PPFIA2: variants seen among roughly 807,000 people sequenced by gnomAD.
PPFIA2 encodes the protein PPFI scaffold protein A2.
PPFIA2 carries 46 observed loss-of-function variants against 175.5 expected under a neutral mutation model. The ratio of observed to expected loss-of-function variants is 0.26; its 90% CI spans 0.21 to 0.34. PPFIA2 has a LOEUF of 0.34. Among genes scored for constraint, PPFIA2 ranks in the 10% least tolerant of loss-of-function variants. PPFIA2 has a pLI of 1.00. For synonymous variants in PPFIA2, 568 were observed against 511.4 expected (o/e 1.11, Z -1.49); for missense variants, 1,179 against 1,506.1 (o/e 0.78, Z 3.60).
rs543776841 is a variant in PPFIA2 at position 81,432,526 on chromosome 12, C to T, written c.645+7446G>A. ...TGTCACCCAGGTTGGAGTGCAGTGGCGTGATCTTGGCCCAATGCAACCTCT... is the reference window on the plus strand; with the variant it reads ...TGTCACCCAGGTTGGAGTGCAGTGGTGTGATCTTGGCCCAATGCAACCTCT... On this transcript the variant is annotated intron_variant, in intron 7 of 32. Transcript: ENST00000549396. 7.5e-5 allele frequency among the ~76,000 whole-genome samples: 11 copies of T among 146,660 alleles called. No individual in the cohort carries two copies. The East Asian group carries it at 1.2e-3, about 16-fold the overall frequency.
At chr12:81,303,814 C>CTA (rs1436620999) in intron 22 of PPFIA2, among the ~76,000 whole-genome samples, 4 of 152,148 alleles carry the variant, frequency 2.6e-5, no homozygotes, top group Admixed American at 2.6e-4. Context: ...CCAATAGGTT[C>CTA]TAGAAAATGT....
chr12:81,674,160 C>T (rs2071984133), intron 4 of PPFIA2, among the ~76,000 whole-genome samples: 1 of 151,984 alleles, frequency 6.6e-6, no homozygotes, highest in Non-Finnish European at 1.5e-5. Context: ...TTTAAACATA[C>T]CATTAACATT....
chr12:81,737,176 A>T (rs1597053218), intron 3 of PPFIA2, among the ~76,000 whole-genome samples: 1 of 151,958 alleles, frequency 6.6e-6, no homozygotes, highest in Non-Finnish European at 1.5e-5. Flanking sequence ...CTAAGCCCTC[A>T]GGCATTTCGA....
chr12:81,711,350 A>G (rs2077886299), intron 3 of PPFIA2, among the ~76,000 whole-genome samples: 1 of 151,484 alleles, frequency 6.6e-6, no homozygotes, highest in African/African-American at 2.4e-5. Context: ...ACACACATAC[A>G]CATAGAAACA....
intron 4 of PPFIA2, among the ~76,000 whole-genome samples, chr12:81,481,746 T>C (rs2146705016): frequency 6.6e-6 from 1 of 152,254 alleles, no homozygotes; most frequent in African/African-American, 2.4e-5. Flanking sequence ...TAACTCAAGG[T>C]GGTTTAAAGA....
intron 7 of PPFIA2, among the ~76,000 whole-genome samples, chr12:81,436,354 C>T (rs1030115126): frequency 8.6e-6 from 1 of 116,160 alleles, no homozygotes; most frequent in African/African-American, 3.2e-5. Context: ...ATCAGATAAA[C>T]GTTTCTCCAG....
intron 3 of PPFIA2, among the ~76,000 whole-genome samples, chr12:81,750,174 A>G (rs544120580): frequency 2.1e-5 from 3 of 144,174 alleles, no homozygotes; most frequent in African/African-American, 7.3e-5. Context: ...GACATTGAGG[A>G]AAAACATTAT....
intron 4 of PPFIA2, among the ~76,000 whole-genome samples, chr12:81,536,727 C>T (rs955072220): frequency 3.3e-5 from 4 of 121,652 alleles, no homozygotes; most frequent in African/African-American, 1.3e-4. Flanking sequence ...CATATATACA[C>T]AAATATATAT....
chr12:81,609,710 T>C (rs2060695100), intron 4 of PPFIA2, among the ~76,000 whole-genome samples: 1 of 152,136 alleles, frequency 6.6e-6, no homozygotes, highest in Admixed American at 6.5e-5. Flanking sequence ...GAAGGTTGAA[T>C]CTTGTATTTT....
At chr12:81,467,629 A>T (rs2055925077) in intron 4 of PPFIA2, among the ~76,000 whole-genome samples, 2 of 152,184 alleles carry the variant, frequency 1.3e-5, no homozygotes, top group South Asian at 4.1e-4. Flanking sequence ...TGTGTCCTTT[A>T]TCTTCTATTA....
At chr12:81,691,558 A>T (rs552801399) in intron 3 of PPFIA2, among the ~76,000 whole-genome samples, 2 of 152,254 alleles carry the variant, frequency 1.3e-5, no homozygotes, top group East Asian at 3.9e-4. Context: ...TATTGGAATT[A>T]GTCACCAATA....
chr12:81,310,010 T>C (rs2050369049), intron 22 of PPFIA2, among the ~76,000 whole-genome samples: 1 of 152,096 alleles, frequency 6.6e-6, no homozygotes, highest in South Asian at 2.1e-4. Context: ...CACTTCCTAA[T>C]AGTAATTGGG....
Position 81,622,259 on chromosome 12 carries a change from T to C in PPFIA2, c.303+54532A>G, listed in dbSNP as rs201514617. On this transcript the variant is annotated intron_variant, in intron 4 of 32. Transcript: ENST00000549396. ...ACAAATTACCACATAATAATGTTCA[T>C]ATTCTGACTTTAAGCATAATAATAA... 2.0e-5 allele frequency among the ~76,000 whole-genome samples: 3 copies of C among 152,210 alleles called. No individual in the cohort carries two copies. The East Asian group carries it at 5.8e-4, about 29-fold the overall frequency.
Position 81,268,104 on chromosome 12 carries a change from A to G in PPFIA2, c.3311-17T>C. On this transcript the variant is annotated splice_polypyrimidine_tract_variant and intron_variant, in intron 28 of 32. Transcript: ENST00000549396. ...CCAACACGTCTAGGAAAAGAGATGC[A>G]TCATTTTAGGATGCATTATTTTTCT... The G allele has an allele frequency of 6.5e-7, 1 of 1,529,476 alleles. No homozygotes were observed. Among genetic ancestry groups the G allele is most frequent in the African/African-American group, 1.4e-5 (1 of 71,278 alleles). The allele number at this position is 1,529,476 out of a possible 1,614,324, so 94.7% of individuals were successfully genotyped here.
chr12:81,424,743 A>G (rs1357169972), intron 7 of PPFIA2: 1 of 152,166 alleles, frequency 6.6e-6, no homozygotes, highest in African/African-American at 2.4e-5. Flanking sequence ...CGCCCTTAAA[A>G]GTTTTCTTTA....
At chr12:81,357,805 C>G (rs1048807451) in intron 16 of PPFIA2, among the ~76,000 whole-genome samples, 16 of 151,536 alleles carry the variant, frequency 1.1e-4, no homozygotes, top group African/African-American at 3.9e-4. Flanking sequence ...GAACATTTAG[C>G]TTTTCTGAGC....
intron 4 of PPFIA2, among the ~76,000 whole-genome samples, chr12:81,607,444 T>C (rs1046611440): frequency 1.3e-5 from 2 of 152,158 alleles, no homozygotes; most frequent in Non-Finnish European, 2.9e-5. Context: ...GGAATGTTTT[T>C]TCCATTTATT....
chr12:81,655,439 A>G (rs1348456016), intron 4 of PPFIA2, among the ~76,000 whole-genome samples: 3 of 151,622 alleles, frequency 2.0e-5, no homozygotes, highest in African/African-American at 7.2e-5. Context: ...AAAATATATT[A>G]TAAATTTCTC....
chr12:81,732,476 T>A (rs1248625265), intron 3 of PPFIA2, among the ~76,000 whole-genome samples: 1 of 148,224 alleles, frequency 6.7e-6, no homozygotes, highest in African/African-American at 2.5e-5. Context: ...ACTTTCCTGA[T>A]TATACCAAAT....
Sources: allele counts gnomAD v4.1 joint callset (sites outside exome capture counted in the v4.1 genomes callset), GRCh38; gene constraint gnomAD v4.1.1; transcripts MANE v1.5; gene names NCBI Gene and HGNC (gene_info 2026-07-23, HGNC 2026-07-21).